The following ATRNL1 variants were observed in gnomAD, a reference collection of about 807,000 sequenced individuals.
The protein encoded by ATRNL1 is attractin like 1.
A neutral mutation model predicts 182.7 loss-of-function variants in ATRNL1; 95 were observed. The observed-to-expected ratio is 0.52, with a 90% CI of 0.44 to 0.62. The LOEUF (loss-of-function observed/expected upper bound fraction) is 0.62, where lower values mean the gene tolerates loss of function less well. Ranked by LOEUF, ATRNL1 falls within the 20% of genes least tolerant of loss-of-function variation. The pLI is 0.00. For missense variants in ATRNL1, 1,471 were observed against 1,679.5 expected (o/e 0.88, Z 2.17); for synonymous variants, 576 against 568.3 (o/e 1.01, Z -0.19).
chr10:115,295,005 G>C (rs1853107527), intron 15 of ATRNL1, among the ~76,000 whole-genome samples: 2 of 152,126 alleles, frequency 1.3e-5, no homozygotes, highest in Non-Finnish European at 2.9e-5. Context: ...GGCTTGCTGG[G>C]GTTGAGGTCA....
intron 15 of ATRNL1, among the ~76,000 whole-genome samples, chr10:115,296,846 G>A (rs1275480624): frequency 6.6e-6 from 1 of 152,214 alleles, no homozygotes; most frequent in East Asian, 1.9e-4. Flanking sequence ...TACTTTCAGT[G>A]TACTTGGCAA....
chr10:115,511,333 A>T (rs1850375359), intron 24 of ATRNL1, among the ~76,000 whole-genome samples: 1 of 151,946 alleles, frequency 6.6e-6, no homozygotes. Context: ...TAACCTAATA[A>T]GATCTCAAGT....
intron 25 of ATRNL1, among the ~76,000 whole-genome samples, chr10:115,523,343 T>A (rs1416332377): frequency 1.6e-4 from 24 of 152,260 alleles, no homozygotes; most frequent in East Asian, 1.9e-4. Context: ...GCCTTCAGGG[T>A]CTTTCCCCCA....
intron 28 of ATRNL1, among the ~76,000 whole-genome samples, chr10:115,935,601 T>C (rs899580402): frequency 2.0e-5 from 3 of 152,162 alleles, no homozygotes; most frequent in African/African-American, 4.8e-5. Flanking sequence ...TGTCACCAGC[T>C]GTGTGGGCAT....
intron 28 of ATRNL1, among the ~76,000 whole-genome samples, chr10:115,934,689 A>G (rs1953503476): frequency 6.6e-6 from 1 of 152,116 alleles, no homozygotes; most frequent in African/African-American, 2.4e-5. Flanking sequence ...CCCCTACTCC[A>G]GTCTGTCCTC....
chr10:115,100,997 A>G (rs2143422918), intron 1 of ATRNL1, among the ~76,000 whole-genome samples: 1 of 152,232 alleles, frequency 6.6e-6, no homozygotes, highest in East Asian at 1.9e-4. Context: ...TGTAAATGGC[A>G]TTTTTTAAAC....
chr10:115,565,055 A>T (rs544832437), intron 26 of ATRNL1, among the ~76,000 whole-genome samples: 5 of 151,966 alleles, frequency 3.3e-5, no homozygotes, highest in Non-Finnish European at 5.9e-5. Flanking sequence ...GAGCATTTCT[A>T]ATGCACTTAG....
At chr10:115,201,563 G>A (rs1377104043) in intron 8 of ATRNL1, among the ~76,000 whole-genome samples, 4 of 152,100 alleles carry the variant, frequency 2.6e-5, no homozygotes, top group African/African-American at 7.2e-5. Context: ...TTATTTCTGA[G>A]GGTTCTGTTC....
intron 27 of ATRNL1, among the ~76,000 whole-genome samples, chr10:115,809,851 C>G (rs901013197): frequency 4.0e-5 from 6 of 151,678 alleles, no homozygotes; most frequent in African/African-American, 1.5e-4. Flanking sequence ...ACGATTCAAA[C>G]AAATACCCCT....
At chr10:115,214,540 A>G (rs934632648) in intron 8 of ATRNL1, among the ~76,000 whole-genome samples, 10 of 151,944 alleles carry the variant, frequency 6.6e-5, no homozygotes, top group African/African-American at 2.2e-4. Flanking sequence ...TTACTACCTT[A>G]GAATTTTGTA....
In ATRNL1 at chr10:115,738,979, A is replaced by G. The variant is rs367545351; in HGVS notation, c.3903+11624A>G. The stretch of plus-strand genomic sequence containing the variant: ...AAATATATATATTTATAATTATTGT[A>G]TACATCCAAAATTAAAATTTTACAA... On this transcript the variant is annotated intron_variant, in intron 27 of 28. Transcript: ENST00000355044. Among the ~76,000 whole-genome samples, 31 of 152,210 alleles carry G rather than the reference A, an allele frequency of 2.0e-4. No individual in the cohort carries two copies. In the South Asian group the frequency reaches 5.0e-3, roughly 24 times the overall value.
intron 27 of ATRNL1, among the ~76,000 whole-genome samples, chr10:115,823,633 A>G (rs1294201104): frequency 6.6e-6 from 1 of 152,218 alleles, no homozygotes; most frequent in Non-Finnish European, 1.5e-5. Context: ...TACACCAATA[A>G]TAGACAAACA....
intron 14 of ATRNL1, among the ~76,000 whole-genome samples, chr10:115,282,818 A>AT (rs1734296616): frequency 1.3e-5 from 2 of 149,434 alleles, no homozygotes; most frequent in African/African-American, 2.5e-5. Flanking sequence ...AGGTGGAATT[A>AT]TTTTTTTATT....
intron 27 of ATRNL1, among the ~76,000 whole-genome samples, chr10:115,847,120 A>G (rs186879553): frequency 2.8e-3 from 433 of 152,178 alleles, no homozygotes; most frequent in African/African-American, 9.6e-3. Flanking sequence ...AATATTAAAG[A>G]TATGCCAACC....
intron 9 of ATRNL1, among the ~76,000 whole-genome samples, chr10:115,232,833 T>C (rs923953661): frequency 6.6e-6 from 1 of 152,152 alleles, no homozygotes; most frequent in South Asian, 2.1e-4. Context: ...ATTGATATTT[T>C]ATATGCTTTT....
intron 25 of ATRNL1, among the ~76,000 whole-genome samples, chr10:115,542,311 G>A (rs1239348379): frequency 6.6e-6 from 1 of 151,792 alleles, no homozygotes; most frequent in Non-Finnish European, 1.5e-5. Flanking sequence ...GTTAATTTAG[G>A]TACTCTTCTA....
chr10:115,518,491 A>T (rs1850749767), intron 24 of ATRNL1, among the ~76,000 whole-genome samples: 1 of 151,994 alleles, frequency 6.6e-6, no homozygotes, highest in South Asian at 2.1e-4. Context: ...TAACTTTTAC[A>T]TGCCAGAAAT....
In ATRNL1 at chr10:115,462,664, G is replaced by T. The variant is rs7901890; in HGVS notation, c.3417+629G>T. ...GAATTCAAAGCATACTATATTAAAT[G>T]TATTTTACTTTCCTTTATACCATTC... On this transcript the variant is annotated intron_variant, in intron 22 of 28. Coordinates refer to ENST00000355044, the MANE Select transcript of ATRNL1 (RefSeq NM_207303.4). Among the ~76,000 whole-genome samples the T allele has an allele frequency of 2.6e-4, 39 of 152,114 alleles. 1 individual carries two copies. The South Asian group carries it at 7.9e-3, about 31-fold the overall frequency.
At chr10:115,506,474 G>A (rs1409823925) in intron 24 of ATRNL1, among the ~76,000 whole-genome samples, 3 of 151,910 alleles carry the variant, frequency 2.0e-5, no homozygotes, top group African/African-American at 7.2e-5. Flanking sequence ...CTTACCTAGG[G>A]ATGGGTCTCA....
Sources: gnomAD v4.1 joint callset for allele counts (sites outside exome capture counted in the v4.1 genomes callset) on GRCh38, gnomAD v4.1.1 for gene constraint, MANE v1.5 for transcripts, NCBI Gene and HGNC (gene_info 2026-07-23, HGNC 2026-07-21) for gene names.